Variants in EHD4 observed in about 807,000 individuals in gnomAD.
EHD4 encodes the protein EH domain-containing protein 4.
Under a neutral mutation model 51.0 loss-of-function variants are expected in EHD4, and 37 were observed. That is an observed-to-expected ratio of 0.73 (90% CI 0.56 to 0.95). EHD4 has a LOEUF of 0.95. EHD4 is among the 40% of genes least tolerant of loss of function. The probability of loss-of-function intolerance (pLI) is 0.00; values close to 1 mark genes in which losing one functional copy is unlikely to be tolerated. For synonymous variants in EHD4, 297 were observed against 317.3 expected (o/e 0.94, Z 0.68); for missense variants, 632 against 733.1 (o/e 0.86, Z 1.59).
intron 3 of EHD4, among the ~76,000 whole-genome samples, chr15:41,933,117 G>C (rs1354363759): frequency 2.0e-5 from 3 of 152,196 alleles, no homozygotes; most frequent in Admixed American, 6.5e-5. Context: ...GCCTCCTCCA[G>C]GGCCCACAGG....
intron 2 of EHD4, among the ~76,000 whole-genome samples, chr15:41,944,152 T>C (rs189989350): frequency 6.6e-6 from 1 of 152,320 alleles, no homozygotes; most frequent in Non-Finnish European, 1.5e-5. Context: ...TATGGGACTC[T>C]GGGTAAGGGC....
At chr15:41,903,319 T>A (rs2067490018) in intron 5 of EHD4, among the ~76,000 whole-genome samples, 2 of 67,584 alleles carry the variant, frequency 3.0e-5, no homozygotes, top group Admixed American at 4.6e-4. Flanking sequence ...ATAAATATCA[T>A]GCTTTCTTGT....
chr15:41,961,430 T>C (rs577644385), intron 1 of EHD4, among the ~76,000 whole-genome samples: 1 of 152,362 alleles, frequency 6.6e-6, no homozygotes, highest in Non-Finnish European at 1.5e-5. Context: ...TTTAGGAGTA[T>C]GACAACAGAC....
At chr15:41,904,071 G>C (rs185174254) in intron 5 of EHD4, among the ~76,000 whole-genome samples, 1 of 152,148 alleles carries the variant, frequency 6.6e-6, no homozygotes, top group South Asian at 2.1e-4. Flanking sequence ...AGTGCTGCTG[G>C]GTCAACGAGT....
Position 41,953,822 on chromosome 15 carries a change from C to T in EHD4, c.355G>A (p.Val119Met), listed in dbSNP as rs772209765. The T allele has an allele frequency of 2.5e-5, 41 of 1,613,624 alleles. No homozygotes were observed. The East Asian group carries it at 5.8e-4, about 23-fold the overall frequency. The change falls in exon 2 of 6, where the codon GTG (valine) becomes ATG (methionine). Residue 119 changes from valine (V) to methionine (M), a missense_variant. By Grantham distance (21) the Val-to-Met change is conservative (BLOSUM62 1). Transcript: ENST00000220325. Reference protein sequence around the residue: ...EGSTPGNALVVDPKKPFRKLS... With the variant: ...EGSTPGNALVMDPKKPFRKLS... ...TTTCTAAACGGCTTTTTGGGGTCCA[C>T]GACTAAAGCATTCCCTGGGGTGCTG...
rs5812208 is a variant in EHD4 at position 41,914,040 on chromosome 15, ATGTG to A, written c.925-4181_925-4178del. Among the ~76,000 whole-genome samples the A allele has an allele frequency of 2.6e-3, 399 of 150,892 alleles. 1 individual carries two copies. The highest frequency in any genetic ancestry group is 6.8e-3 in the Middle Eastern group (2 of 292). On this transcript the variant is annotated intron_variant, in intron 4 of 5. Coordinates refer to ENST00000220325, the MANE Select transcript of EHD4 (RefSeq NM_139265.4). ...GACACAGATCTCATTGTGTCCAATG[ATGTG>A]TGTGTGTGTGTGTGCCTCCAAGACT...
rs2141004905 is a variant in EHD4, at chr15:41,953,806, G to A, written c.371C>T (p.Pro124Leu). The change falls in exon 2 of 6, where the codon CCG (proline) becomes CTG (leucine). Residue 124 changes from proline to leucine, a missense_variant. Physicochemically the swap from Pro to Leu is moderately conservative, Grantham distance 98. Coordinates refer to ENST00000220325, the MANE Select transcript of EHD4 (RefSeq NM_139265.4). ...TCCAAAGCGACTGAGCTTTCTAAACGGCTTTTTGGGGTCCACGACTAAAGC... is the reference window on the plus strand; with the variant it reads ...TCCAAAGCGACTGAGCTTTCTAAACAGCTTTTTGGGGTCCACGACTAAAGC... ...GNALVVDPKK[P>L]FRKLSRFGNA... 5.0e-6 allele frequency: 8 copies of A among 1,612,538 alleles called. No homozygotes were observed. The highest frequency in any genetic ancestry group is 1.3e-5 in the African/African-American group (1 of 74,848).
At chr15:41,942,816 T>TGG in intron 3 of EHD4, 1 of 385,218 alleles carries the variant, frequency 2.6e-6, no homozygotes. Flanking sequence ...ATACCTCCCA[T>TGG]TGTTTACCCC....
At chr15:41,925,590 A>G (rs1198973511) in intron 3 of EHD4, among the ~76,000 whole-genome samples, 2 of 152,232 alleles carry the variant, frequency 1.3e-5, no homozygotes, top group Non-Finnish European at 2.9e-5. Flanking sequence ...ATTAATAGAA[A>G]TTTCAATCCT....
At chr15:41,920,462 A>C (rs1157720156) in intron 3 of EHD4, among the ~76,000 whole-genome samples, 3 of 152,254 alleles carry the variant, frequency 2.0e-5, no homozygotes, top group Non-Finnish European at 2.9e-5. Flanking sequence ...TTTTAATCTC[A>C]GTCTGACTAG....
Position 41,925,525 on chromosome 15 carries a change from A to G in EHD4, c.512-5903T>C, listed in dbSNP as rs2067655385. Among the ~76,000 whole-genome samples, 13 of 152,354 alleles carry G rather than the reference A, an allele frequency of 8.5e-5. 1 individual carries two copies. The highest frequency in any genetic ancestry group is 3.4e-3 in the Middle Eastern group (1 of 294). Reference sequence around the variant, plus strand: ...GTGTGTTGTGGGTGCAGGACTCAACATAATCATAGAATCATCCCACGGTGC... The same window carrying G: ...GTGTGTTGTGGGTGCAGGACTCAACGTAATCATAGAATCATCCCACGGTGC... On this transcript the variant is annotated intron_variant, in intron 3 of 5. Transcript: ENST00000220325.
At chr15:41,915,644 T>C (rs1420267405) in intron 4 of EHD4, among the ~76,000 whole-genome samples, 1 of 152,244 alleles carries the variant, frequency 6.6e-6, no homozygotes, top group Non-Finnish European at 1.5e-5. Context: ...GTTTGGGATT[T>C]GTATGAGTCT....
intron 1 of EHD4, among the ~76,000 whole-genome samples, chr15:41,970,671 G>A (rs1193719368): frequency 6.6e-6 from 1 of 152,198 alleles, no homozygotes; most frequent in Non-Finnish European, 1.5e-5. Context: ...TCTAGCAGGG[G>A]CTCCCTGATG....
chr15:41,946,851 C>T (rs1184046636), intron 2 of EHD4, among the ~76,000 whole-genome samples: 1 of 152,148 alleles, frequency 6.6e-6, no homozygotes, highest in Non-Finnish European at 1.5e-5. Flanking sequence ...TTTAGAAGAA[C>T]CAGACAGTAC....
chr15:41,967,036 C>T (rs747746165), intron 1 of EHD4, among the ~76,000 whole-genome samples: 1 of 152,220 alleles, frequency 6.6e-6, no homozygotes, highest in Non-Finnish European at 1.5e-5. Flanking sequence ...TCATGGACAT[C>T]GCCACCTTGG....
intron 3 of EHD4, among the ~76,000 whole-genome samples, chr15:41,935,429 C>T (rs1176665050): frequency 2.0e-5 from 3 of 152,148 alleles, no homozygotes; most frequent in Non-Finnish European, 2.9e-5. Flanking sequence ...AGCAGACATT[C>T]AACATAAGAA....
rs1332045714 is a variant in EHD4, at chr15:41,898,403, T to A, written c.*2242A>T. ...ACATGTATATAAATTCATGTTTATA[T>A]ATGACAATTGAGGAGAGTTAAAGAA... On this transcript the variant is annotated 3_prime_UTR_variant, in exon 6 of 6. Coordinates refer to ENST00000220325, the MANE Select transcript of EHD4 (RefSeq NM_139265.4). The A allele has an allele frequency of 6.6e-6, 1 of 152,232 alleles. No homozygotes were observed. Among genetic ancestry groups the A allele is most frequent in the Non-Finnish European group, 1.5e-5 (1 of 68,040 alleles). The allele number at this position is 152,232 out of a possible 1,614,324, so 9.4% of individuals were successfully genotyped here. A position where few individuals can be genotyped will look rare whatever the true frequency, so the allele number is the denominator to read the frequency against.
intron 2 of EHD4, among the ~76,000 whole-genome samples, chr15:41,948,071 C>A (rs531206030): frequency 6.6e-6 from 1 of 151,972 alleles, no homozygotes; most frequent in African/African-American, 2.4e-5. Context: ...CTGGCCAACA[C>A]AGTGAAACCC....
At chr15:41,950,650 T>C (rs1272022466) in intron 2 of EHD4, among the ~76,000 whole-genome samples, 2 of 152,216 alleles carry the variant, frequency 1.3e-5, no homozygotes, top group Non-Finnish European at 2.9e-5. Flanking sequence ...CTGTTTACTC[T>C]TAAGTAGCTA....
Sources: allele counts gnomAD v4.1 joint callset (sites outside exome capture counted in the v4.1 genomes callset), GRCh38; gene constraint gnomAD v4.1.1; transcripts MANE v1.5; gene names NCBI Gene and HGNC (gene_info 2026-07-23, HGNC 2026-07-21).